ADAMTSL3: variants seen among roughly 807,000 people sequenced by gnomAD.
ADAMTSL3 encodes the protein ADAMTS like 3.
In ADAMTSL3, 128 loss-of-function variants were observed where a neutral mutation model predicts 201.7. The ratio of observed to expected loss-of-function variants is 0.63; its 90% CI spans 0.55 to 0.73. ADAMTSL3 has a LOEUF of 0.73. Ranked by LOEUF, ADAMTSL3 falls within the 30% of genes least tolerant of loss-of-function variation. The pLI, the probability that ADAMTSL3 is intolerant of heterozygous loss-of-function variation, is 0.00. For missense variants in ADAMTSL3, 1,990 were observed against 2,119.6 expected, an observed-to-expected ratio of 0.94 and a Z score of 1.20; for synonymous variants, 738 against 748.4, an observed-to-expected ratio of 0.99 and a Z score of 0.23.
intron 17 of ADAMTSL3, among the ~76,000 whole-genome samples, chr15:83,929,083 T>C (rs2066300435): frequency 1.3e-5 from 2 of 152,266 alleles, no homozygotes; most frequent in African/African-American, 4.8e-5. Context: ...CACACGACTA[T>C]GAAAGATCTT....
At chr15:83,839,235 G>A (rs1278579611) in intron 7 of ADAMTSL3, among the ~76,000 whole-genome samples, 1 of 151,968 alleles carries the variant, frequency 6.6e-6, no homozygotes, top group Non-Finnish European at 1.5e-5. Flanking sequence ...TTGTAAAGTC[G>A]GCATCTTACT....
intron 4 of ADAMTSL3, among the ~76,000 whole-genome samples, chr15:83,787,193 T>C (rs764037400): frequency 2.9e-4 from 44 of 152,210 alleles, no homozygotes; most frequent in Non-Finnish European, 5.7e-4. Flanking sequence ...AGTGTTTCCG[T>C]AGGATCTCAT....
intron 2 of ADAMTSL3, among the ~76,000 whole-genome samples, chr15:83,667,250 T>C (rs116072581): frequency 0.014 from 2,199 of 152,276 alleles, 46 homozygotes; most frequent in African/African-American, 0.05. Context: ...TGCATACTTT[T>C]AAAGTTATTG....
At chr15:84,006,348 G>A (rs771848199) in intron 23 of ADAMTSL3, among the ~76,000 whole-genome samples, 3 of 151,972 alleles carry the variant, frequency 2.0e-5, no homozygotes, top group Middle Eastern at 3.2e-3. Flanking sequence ...TTGAGTAGCT[G>A]GAAGAAACAA....
At chr15:83,692,335 A>G (rs1481625653) in intron 2 of ADAMTSL3, among the ~76,000 whole-genome samples, 1 of 151,998 alleles carries the variant, frequency 6.6e-6, no homozygotes, top group East Asian at 1.9e-4. Flanking sequence ...CATTTTATAT[A>G]CATTGAACAA....
chr15:83,953,679 C>T (rs1009861256), intron 19 of ADAMTSL3, among the ~76,000 whole-genome samples: 2 of 152,176 alleles, frequency 1.3e-5, no homozygotes, highest in African/African-American at 4.8e-5. Context: ...CCTTTTATTT[C>T]AGACTGAAGA....
intron 4 of ADAMTSL3, among the ~76,000 whole-genome samples, chr15:83,783,592 A>G (rs2063212026): frequency 2.0e-5 from 3 of 152,176 alleles, no homozygotes; most frequent in Admixed American, 2.0e-4. Context: ...GAAAATTGGT[A>G]TACCTATACT....
At chr15:83,898,700 A>G (rs898568945) in intron 14 of ADAMTSL3, among the ~76,000 whole-genome samples, 2 of 152,198 alleles carry the variant, frequency 1.3e-5, no homozygotes, top group Admixed American at 1.3e-4. Context: ...ATGTTCTTTA[A>G]TGTTAACCAT....
chr15:83,694,479 A>T (rs969734713), intron 2 of ADAMTSL3: 43 of 152,120 alleles, frequency 2.8e-4, no homozygotes, highest in African/African-American at 1.0e-3. Flanking sequence ...TTCCTGGGGA[A>T]CTTTAAAGTA....
At chr15:83,693,776 AT>A (rs1196062539) in intron 2 of ADAMTSL3, among the ~76,000 whole-genome samples, 2 of 152,068 alleles carry the variant, frequency 1.3e-5, no homozygotes. Context: ...GGGAAAAGTG[AT>A]TCTTGTCTGT....
chr15:83,858,420 T>C (rs1007343480), intron 7 of ADAMTSL3, among the ~76,000 whole-genome samples: 2 of 152,244 alleles, frequency 1.3e-5, no homozygotes. Flanking sequence ...TTGCCCAGGC[T>C]GGAGTCCAGT....
chr15:84,029,172 G>C (rs2068359349), intron 27 of ADAMTSL3, among the ~76,000 whole-genome samples: 1 of 152,220 alleles, frequency 6.6e-6, no homozygotes, highest in Non-Finnish European at 1.5e-5. Context: ...TTGGAACTGG[G>C]TAACAGGCAC....
chr15:83,955,408 G>C (rs1158480723), intron 19 of ADAMTSL3, among the ~76,000 whole-genome samples: 1 of 152,004 alleles, frequency 6.6e-6, no homozygotes, highest in Non-Finnish European at 1.5e-5. Context: ...CACCCTTCAG[G>C]GTAGTAGGCT....
At chr15:83,763,078 G>A (rs1195090984) in intron 3 of ADAMTSL3, among the ~76,000 whole-genome samples, 3 of 152,040 alleles carry the variant, frequency 2.0e-5, no homozygotes, top group Non-Finnish European at 2.9e-5. Flanking sequence ...TAGTAGAGAC[G>A]GGGTTTCACC....
intron 8 of ADAMTSL3, among the ~76,000 whole-genome samples, chr15:83,860,837 C>G (rs1351532137): frequency 6.6e-6 from 1 of 152,158 alleles, no homozygotes; most frequent in Non-Finnish European, 1.5e-5. Context: ...GTAGGTGCAG[C>G]ACACTGAGCC....
Position 83,913,389 on chromosome 15 carries a change from C to G in ADAMTSL3, c.1987+11C>G, listed in dbSNP as rs762736997. On this transcript the variant is annotated intron_variant, in intron 16 of 29. Transcript: ENST00000286744. ...CAACATGCGTGGGAGGTATTTGAAC[C>G]TTTGCTTAAGGGACAGTTATGTTGT... 5.6e-6 allele frequency: 9 copies of G among 1,610,736 alleles called. No individual in the cohort carries two copies. Among genetic ancestry groups the G allele is most frequent in the African/African-American group, 1.3e-5 (1 of 74,886 alleles).
chr15:83,854,732 C>T (rs902701318), intron 7 of ADAMTSL3, among the ~76,000 whole-genome samples: 1 of 152,160 alleles, frequency 6.6e-6, no homozygotes, highest in African/African-American at 2.4e-5. Flanking sequence ...TTCACTCATT[C>T]TTCTGTTTTT....
intron 28 of ADAMTSL3, 135 bp downstream of exon 28, chr15:84,031,567 T>C: frequency 2.8e-6 from 2 of 718,178 alleles, no homozygotes; most frequent in South Asian, 3.4e-5. Flanking sequence ...ATGATTTATT[T>C]AGTGTCATCT....
intron 23 of ADAMTSL3, among the ~76,000 whole-genome samples, chr15:83,998,673 C>T (rs774711133): frequency 6.6e-5 from 10 of 152,182 alleles, no homozygotes; most frequent in Non-Finnish European, 1.3e-4. Context: ...GGCCTCAGAA[C>T]GCACAGCTCT....
Sources: gnomAD v4.1 joint callset for allele counts (sites outside exome capture counted in the v4.1 genomes callset) on GRCh38, gnomAD v4.1.1 for gene constraint, MANE v1.5 for transcripts, NCBI Gene and HGNC (gene_info 2026-07-23, HGNC 2026-07-21) for gene names.